The following KCNN2 variants were observed in gnomAD, a reference collection of about 807,000 sequenced individuals.
KCNN2 encodes potassium calcium-activated channel subfamily N member 2.
Under a neutral mutation model 55.5 loss-of-function variants are expected in KCNN2, and 24 were observed. The observed-to-expected ratio is 0.43, with a 90% CI of 0.31 to 0.61. KCNN2 has a LOEUF of 0.61. Among genes scored for constraint, KCNN2 ranks in the 20% least tolerant of loss-of-function variants. The probability of loss-of-function intolerance (pLI) is 0.08; values close to 1 mark genes in which losing one functional copy is unlikely to be tolerated. For missense variants in KCNN2, 754 were observed against 853.6 expected (o/e 0.88, Z 1.45); for synonymous variants, 431 against 336.1 (o/e 1.28, Z -3.09).
At chr5:114,182,710 T>C (rs1753263424) in intron 1 of KCNN2, among the ~76,000 whole-genome samples, 1 of 152,144 alleles carries the variant, frequency 6.6e-6, no homozygotes, top group African/African-American at 2.4e-5. Flanking sequence ...CTTATTTTTA[T>C]ATATTAGCCT....
intron 2 of KCNN2, among the ~76,000 whole-genome samples, chr5:114,290,908 G>A (rs980166801): frequency 7.2e-5 from 11 of 151,784 alleles, no homozygotes; most frequent in African/African-American, 2.2e-4. Context: ...TATTTTCCTT[G>A]TTACTGATTT....
chr5:114,234,394 A>C (rs929569858), intron 2 of KCNN2, among the ~76,000 whole-genome samples: 23 of 152,270 alleles, frequency 1.5e-4, no homozygotes, highest in African/African-American at 5.1e-4. Flanking sequence ...AGACATGCAC[A>C]GTTTCCTTTT....
intron 2 of KCNN2, among the ~76,000 whole-genome samples, chr5:114,277,125 G>T (rs1437481811): frequency 6.6e-6 from 1 of 152,054 alleles, no homozygotes; most frequent in African/African-American, 2.4e-5. Flanking sequence ...TGAAATTCTG[G>T]GTTGAAAATT....
intron 5 of KCNN2, among the ~76,000 whole-genome samples, chr5:114,480,818 C>T (rs1208937983): frequency 6.6e-6 from 1 of 152,130 alleles, no homozygotes; most frequent in Non-Finnish European, 1.5e-5. Context: ...ATTCAACATC[C>T]CTGCATGTTA....
At chr5:114,311,160 T>TA (rs3070922) in intron 2 of KCNN2, among the ~76,000 whole-genome samples, 7 of 152,124 alleles carry the variant, frequency 4.6e-5, no homozygotes, top group African/African-American at 1.7e-4. Flanking sequence ...TATATATATA[T>TA]TTTTAATATT....
intron 1 of KCNN2, among the ~76,000 whole-genome samples, chr5:114,216,179 A>C (rs1561526412): frequency 6.6e-6 from 1 of 152,176 alleles, no homozygotes; most frequent in African/African-American, 2.4e-5. Flanking sequence ...TACACCAAGA[A>C]ATGAAAACAG....
At chr5:114,106,002 T>G (rs1010701577) in intron 1 of KCNN2, among the ~76,000 whole-genome samples, 3 of 151,996 alleles carry the variant, frequency 2.0e-5, no homozygotes, top group Non-Finnish European at 4.4e-5. Flanking sequence ...GTTTTTCTTT[T>G]GAATTGATCA....
chr5:114,055,985 A>T (rs535891281), upstream of KCNN2: 1 of 189,450 alleles, frequency 5.3e-6, no homozygotes. Context: ...GGTAGCCTCA[A>T]GGTCGGCGAT....
chr5:114,132,416 G>C (rs1752089411), intron 1 of KCNN2, among the ~76,000 whole-genome samples: 1 of 152,064 alleles, frequency 6.6e-6, no homozygotes, highest in Non-Finnish European at 1.5e-5. Context: ...GTTTTTGCTG[G>C]GTTTGTCGAA....
chr5:114,218,114 G>T (rs1754047003), intron 1 of KCNN2, among the ~76,000 whole-genome samples: 1 of 152,200 alleles, frequency 6.6e-6, no homozygotes, highest in South Asian at 2.1e-4. Flanking sequence ...CAAGGATATG[G>T]AGCAACATTC....
intron 2 of KCNN2, among the ~76,000 whole-genome samples, chr5:114,399,173 G>A (rs1278996958): frequency 1.3e-5 from 2 of 152,198 alleles, no homozygotes; most frequent in African/African-American, 4.8e-5. Context: ...GATGTTGGCT[G>A]TGGGTTTGTC....
In KCNN2 at chr5:114,319,601, C is replaced by T. The variant is rs568967737; in HGVS notation, c.-184-41344C>T. Among the ~76,000 whole-genome samples, 4 of 152,292 alleles carry T rather than the reference C, an allele frequency of 2.6e-5. No homozygotes were observed. The South Asian group carries it at 8.3e-4, about 32-fold the overall frequency. On this transcript the variant is annotated intron_variant, in intron 2 of 10. Transcript: ENST00000512097. ...TTGTTTTATATGTAAATCTCTACTC[C>T]TTTGCCATGGTTATTATAAATAAAT...
At chr5:114,141,116 C>A (rs577698427) in intron 1 of KCNN2, among the ~76,000 whole-genome samples, 1 of 151,998 alleles carries the variant, frequency 6.6e-6, no homozygotes, top group Non-Finnish European at 1.5e-5. Context: ...GTCTCAAAAA[C>A]CAGTAAAGCT....
intron 2 of KCNN2, among the ~76,000 whole-genome samples, chr5:114,375,050 A>T (rs1757891725): frequency 6.6e-6 from 1 of 152,216 alleles, no homozygotes; most frequent in African/African-American, 2.4e-5. Flanking sequence ...AGGAGAAAGC[A>T]TAAAATACTA....
chr5:114,156,631 TC>T (rs1289759980), intron 1 of KCNN2, among the ~76,000 whole-genome samples: 11 of 152,170 alleles, frequency 7.2e-5, no homozygotes, highest in Admixed American at 1.3e-4. Context: ...GATATTTTAT[TC>T]TTTTTGTGGC....
intron 1 of KCNN2, among the ~76,000 whole-genome samples, chr5:114,192,287 A>C (rs201580363): frequency 6.6e-6 from 1 of 152,164 alleles, no homozygotes; most frequent in East Asian, 1.9e-4. Context: ...CTTCAGTGAC[A>C]CATGATGAGC....
intron 1 of KCNN2, among the ~76,000 whole-genome samples, chr5:114,198,664 A>AT (rs1175875259): frequency 2.0e-5 from 3 of 151,852 alleles, no homozygotes; most frequent in Non-Finnish European, 2.9e-5. Context: ...CTTTTTTAAG[A>AT]TTTTTTTAAT....
At chr5:114,235,834 T>C (rs952347099) in intron 2 of KCNN2, among the ~76,000 whole-genome samples, 1 of 152,254 alleles carries the variant, frequency 6.6e-6, no homozygotes, top group Non-Finnish European at 1.5e-5. Flanking sequence ...TACTAATACT[T>C]TGATTTGTTT....
intron 1 of KCNN2, among the ~76,000 whole-genome samples, chr5:114,142,343 T>C (rs1482930414): frequency 6.6e-6 from 1 of 152,198 alleles, no homozygotes; most frequent in African/African-American, 2.4e-5. Context: ...TTCAGCTTTC[T>C]ACATATGGCT....
Sources: allele counts gnomAD v4.1 joint callset (sites outside exome capture counted in the v4.1 genomes callset), GRCh38; gene constraint gnomAD v4.1.1; transcripts MANE v1.5; gene names NCBI Gene and HGNC (gene_info 2026-07-23, HGNC 2026-07-21).